Variants in IST1 observed in about 807,000 individuals in gnomAD.
IST1 encodes the protein IST1 factor associated with ESCRT-III, also known as IST1 homolog.
Under a neutral mutation model 37.0 loss-of-function variants are expected in IST1, and 23 were observed. The ratio of observed to expected loss-of-function variants is 0.62; its 90% CI spans 0.45 to 0.88. The LOEUF (loss-of-function observed/expected upper bound fraction) is 0.88. Among genes scored for constraint, IST1 ranks in the 40% least tolerant of loss-of-function variants. IST1 has a pLI of 0.00. For synonymous variants in IST1, 180 were observed against 161.7 expected (o/e 1.11, Z -0.86); for missense variants, 488 against 445.4 (o/e 1.10, Z -0.86).
At chr16:71,896,066 C>T (rs1003029759) in intron 1 of IST1, among the ~76,000 whole-genome samples, 1 of 152,206 alleles carries the variant, frequency 6.6e-6, no homozygotes, top group African/African-American at 2.4e-5. Context: ...GCCTCCTGGG[C>T]TTGTTCCTGG....
intron 1 of IST1, among the ~76,000 whole-genome samples, chr16:71,901,727 A>G (rs1039479829): frequency 1.9e-4 from 29 of 152,178 alleles, no homozygotes; most frequent in Non-Finnish European, 1.3e-4. Context: ...TTAATTCTAA[A>G]ACAAAACTAG....
At chr16:71,899,738 G>T (rs988510087) in intron 1 of IST1, among the ~76,000 whole-genome samples, 1 of 149,330 alleles carries the variant, frequency 6.7e-6, no homozygotes, top group East Asian at 2.0e-4. Context: ...TTAGCTGGGC[G>T]AACAGCCGGG....
intron 1 of IST1, among the ~76,000 whole-genome samples, chr16:71,909,958 T>A (rs959195092): frequency 6.6e-6 from 1 of 152,190 alleles, no homozygotes; most frequent in Non-Finnish European, 1.5e-5. Context: ...GCAAGTTGGA[T>A]AATGTTCCTT....
Position 71,929,640 on chromosome 16 carries a change from G to A in IST1, c.*1827G>A. 1.9e-6 allele frequency: 3 copies of A among 1,551,836 alleles called. No homozygotes were observed. Among genetic ancestry groups the A allele is most frequent in the Non-Finnish European group, 2.6e-6 (3 of 1,146,892 alleles). On this transcript the variant is annotated 3_prime_UTR_variant, in exon 10 of 10. Transcript: ENST00000378799. ...GCCAACTGATTCCTAACAAATTTGA[G>A]AGCTTCTGTAGCAGTGTATCTATTA...
Position 71,930,182 on chromosome 16 carries a change from A to T in IST1, c.*2369A>T. ...GCCCAGGACTGGGTCTAAAGCGAAAACCTGGGAAAACAATAAGAACACTTG... is the reference window on the plus strand; with the variant it reads ...GCCCAGGACTGGGTCTAAAGCGAAATCCTGGGAAAACAATAAGAACACTTG... On this transcript the variant is annotated 3_prime_UTR_variant, in exon 10 of 10. Transcript: ENST00000378799. The T allele has an allele frequency of 5.2e-6, 8 of 1,539,596 alleles. No homozygotes were observed. The highest frequency in any genetic ancestry group is 7.0e-6 in the Non-Finnish European group (8 of 1,142,644).
chr16:71,925,528 C>G (rs917104751), intron 9 of IST1, among the ~76,000 whole-genome samples: 20 of 150,956 alleles, frequency 1.3e-4, no homozygotes, highest in African/African-American at 4.1e-4. Flanking sequence ...GTTGGTCAGG[C>G]TGGTCTTGAA....
chr16:71,922,531 G>C lies in IST1; in HGVS notation c.610G>C (p.Val204Leu), dbSNP rs1028740028. The change falls in exon 7 of 10, where the codon GTG becomes CTG. Residue 204 changes from valine to leucine, a missense_variant. Around this residue, in one of 2 missense-constraint regions of IST1, gnomAD observed 455 missense variants for 386.2 expected, o/e 1.18. Transcript: ENST00000378799. ...DLIDVGFTDDVKKGGPGRGGS... is the reference protein window; with the variant it reads ...DLIDVGFTDDLKKGGPGRGGS... ...TATTGATGTTGGATTCACAGATGAT[G>C]TGAAGAAAGGAGGCCCTGGAAGAGG... 1 of 1,614,108 alleles carries C rather than the reference G, an allele frequency of 6.2e-7. No homozygotes were observed. The highest frequency in any genetic ancestry group is 1.3e-5 in the African/African-American group (1 of 74,930).
intron 1 of IST1, among the ~76,000 whole-genome samples, chr16:71,910,762 A>C (rs943280882): frequency 6.6e-6 from 1 of 152,142 alleles, no homozygotes; most frequent in African/African-American, 2.4e-5. Context: ...TATTAATAGA[A>C]ATATTCTTAC....
chr16:71,894,769 C>A, upstream of IST1: 1 of 1,218,844 alleles, frequency 8.2e-7, no homozygotes, highest in South Asian at 1.3e-5. Flanking sequence ...CTCCCGGGCT[C>A]AAGCGATCCT....
intron 1 of IST1, among the ~76,000 whole-genome samples, chr16:71,897,968 T>C (rs1339708587): frequency 1.3e-5 from 2 of 152,112 alleles, no homozygotes; most frequent in African/African-American, 4.8e-5. Context: ...AAATTATTAC[T>C]GAGTGGAATA....
Position 71,929,506 on chromosome 16 carries a change from A to ATAAATAC in IST1, c.*1697_*1703dup. On this transcript the variant is annotated 3_prime_UTR_variant, in exon 10 of 10. Transcript: ENST00000378799. ...TGCAAAGATAAGTAGTAATACGCTA[A>ATAAATAC]TAAATACTAAGCCAAGTAGGAGATA... The ATAAATAC allele has an allele frequency of 6.5e-7, 1 of 1,530,456 alleles. No individual in the cohort carries two copies. Among genetic ancestry groups the ATAAATAC allele is most frequent in the South Asian group, 1.2e-5 (1 of 80,268 alleles). The allele number at this position is 1,530,456 out of a possible 1,614,324, so 94.8% of individuals were successfully genotyped here.
In IST1 at chr16:71,930,220, AT is replaced by A. The variant is rs1188180308; in HGVS notation, c.*2410del. On this transcript the variant is annotated 3_prime_UTR_variant, in exon 10 of 10. Transcript: ENST00000378799. The stretch of plus-strand genomic sequence containing the variant: ...ATAAGAACACTTGCAGTGACTGACA[AT>A]TTAGTTTATACTTTACAAACATAAG... 2 of 1,514,386 alleles carry A rather than the reference AT, an allele frequency of 1.3e-6. No homozygotes were observed. The highest frequency in any genetic ancestry group is 1.4e-5 in the African/African-American group (1 of 71,310). 93.8% of individuals were successfully genotyped at this position (1,514,386 alleles called of 1,614,324 possible).
At chr16:71,905,944 T>G (rs2037213837) in intron 1 of IST1, among the ~76,000 whole-genome samples, 1 of 152,286 alleles carries the variant, frequency 6.6e-6, no homozygotes, top group Middle Eastern at 3.4e-3. Context: ...CTTTATAATG[T>G]TCTGGGTTTC....
chr16:71,923,135 A>G (rs968938912), intron 7 of IST1, among the ~76,000 whole-genome samples, 153 bp from the exon 8 acceptor site: 1 of 147,444 alleles, frequency 6.8e-6, no homozygotes, highest in Non-Finnish European at 1.5e-5. Context: ...TCCTGACCAC[A>G]TGTGGTCCTT....
Position 71,927,935 on chromosome 16 carries a change from T to A in IST1, c.*122T>A. 1.4e-6 allele frequency: 1 copy of A among 698,298 alleles called. No individual in the cohort carries two copies. Among genetic ancestry groups the A allele is most frequent in the Non-Finnish European group, 2.5e-6 (1 of 401,990 alleles). The allele number at this position is 698,298 out of a possible 1,614,324, so 43.3% of individuals were successfully genotyped here. ...AACCGTCACTCAGCACAACACTCCC[T>A]CTGGGCTCTCTTCCTGCTCCTCCAG... On this transcript the variant is annotated 3_prime_UTR_variant, in exon 10 of 10. Coordinates refer to ENST00000378799, the MANE Select transcript of IST1 (RefSeq NM_001270975.2).
In IST1 at chr16:71,921,684, C is replaced by T. The variant is rs536719098; in HGVS notation, c.552+231C>T. Reference sequence around the variant, plus strand: ...ACCTTGATACAAATGTAAAATGGCACTATTATTGCTACTTTTTGGTGAACT... The same window carrying T: ...ACCTTGATACAAATGTAAAATGGCATTATTATTGCTACTTTTTGGTGAACT... On this transcript the variant is annotated intron_variant, in intron 6 of 9. Transcript: ENST00000378799. 23 of 440,560 alleles carry T rather than the reference C, an allele frequency of 5.2e-5. No individual in the cohort carries two copies. The East Asian group carries it at 6.4e-4, about 12-fold the overall frequency. The allele number at this position is 440,560 out of a possible 1,614,324, so 27.3% of individuals were successfully genotyped here. A position where few individuals can be genotyped will look rare whatever the true frequency, so the allele number is the denominator to read the frequency against.
chr16:71,927,981 T>G lies in IST1; in HGVS notation c.*168T>G. 2 of 602,406 alleles carry G rather than the reference T, an allele frequency of 3.3e-6. No homozygotes were observed. Among genetic ancestry groups the G allele is most frequent in the East Asian group, 5.7e-5 (2 of 34,874 alleles). The allele number at this position is 602,406 out of a possible 1,614,324, so 37.3% of individuals were successfully genotyped here. A position where few individuals can be genotyped will look rare whatever the true frequency, so the allele number is the denominator to read the frequency against. On this transcript the variant is annotated 3_prime_UTR_variant, in exon 10 of 10. Coordinates refer to ENST00000378799, the MANE Select transcript of IST1 (RefSeq NM_001270975.2). ...TCCAGATTCTGCTGCTTTCCAGTTC[T>G]CTGTTGATCCTGAGACTAACAATTG...
intron 1 of IST1, among the ~76,000 whole-genome samples, chr16:71,897,490 C>T (rs1180245738): frequency 6.6e-6 from 1 of 152,084 alleles, no homozygotes; most frequent in African/African-American, 2.4e-5. Flanking sequence ...GTAAGATAAT[C>T]AGAATCAAGT....
chr16:71,912,639 A>G (rs1032557571), intron 1 of IST1, among the ~76,000 whole-genome samples: 1 of 152,230 alleles, frequency 6.6e-6, no homozygotes, highest in Admixed American at 6.5e-5. Flanking sequence ...ATGACAATTT[A>G]CCAACTTGCC....
Sources: gnomAD v4.1 joint callset for allele counts (sites outside exome capture counted in the v4.1 genomes callset) on GRCh38, gnomAD v4.1.1 for gene constraint, gnomAD v4.1.1 regional missense constraint, MANE v1.5 for transcripts, NCBI Gene and HGNC (gene_info 2026-07-23, HGNC 2026-07-21) for gene names.